Variants in KIAA0319 observed in about 807,000 individuals in gnomAD.
KIAA0319 encodes the protein KIAA0319.
In KIAA0319, 83 loss-of-function variants were observed where a neutral mutation model predicts 108.4. The observed-to-expected ratio is 0.77, with a 90% confidence interval of 0.64 to 0.92. KIAA0319 has a LOEUF of 0.92. Ranked by LOEUF, KIAA0319 falls within the 40% of genes least tolerant of loss-of-function variation. The pLI, the probability that KIAA0319 is intolerant of heterozygous loss-of-function variation, is 0.00. For missense variants in KIAA0319, 1,195 were observed against 1,322.4 expected (o/e 0.90, Z 1.49); for synonymous variants, 484 against 510.4 (o/e 0.95, Z 0.70).
chr6:24,544,806 C>T lies in KIAA0319; in HGVS notation c.*2359G>A, dbSNP rs1158697710. 1.3e-5 allele frequency: 2 copies of T among 152,144 alleles called. No homozygotes were observed. The highest frequency in any genetic ancestry group is 4.8e-5 in the African/African-American group (2 of 41,422). The allele number at this position is 152,144 out of a possible 1,614,324, so 9.4% of individuals were successfully genotyped here. On this transcript the variant is annotated 3_prime_UTR_variant, in exon 21 of 21. Transcript: ENST00000378214. Reference sequence around the variant, plus strand: ...CATGAAGAATGCTGGTTGGTCATTCCATCTCGTGCTTTGTTCTGATGAGAA... The same window carrying T: ...CATGAAGAATGCTGGTTGGTCATTCTATCTCGTGCTTTGTTCTGATGAGAA...
chr6:24,550,937 C>T (rs1439638256), intron 20 of KIAA0319, among the ~76,000 whole-genome samples: 1 of 152,044 alleles, frequency 6.6e-6, no homozygotes. Context: ...GCCTTCTGCC[C>T]CCACCCCCGC....
intron 4 of KIAA0319, among the ~76,000 whole-genome samples, chr6:24,588,150 C>G (rs1000512143): frequency 6.6e-6 from 1 of 152,204 alleles, no homozygotes; most frequent in Non-Finnish European, 1.5e-5. Context: ...GAGCATATTG[C>G]CTGGCACTCT....
chr6:24,645,136 T>A (rs147701987), intron 1 of KIAA0319, among the ~76,000 whole-genome samples: 16 of 152,344 alleles, frequency 1.1e-4, no homozygotes, highest in African/African-American at 1.4e-4. Flanking sequence ...TTTCTGTTAC[T>A]ATCAAAAACA....
chr6:24,620,281 G>A (rs1773742993), intron 1 of KIAA0319, among the ~76,000 whole-genome samples: 1 of 152,090 alleles, frequency 6.6e-6, no homozygotes, highest in South Asian at 2.1e-4. Context: ...TATAAAAAAA[G>A]GAAATGCTGA....
intron 1 of KIAA0319, among the ~76,000 whole-genome samples, chr6:24,632,868 G>A (rs1775748641): frequency 6.6e-6 from 1 of 152,186 alleles, no homozygotes; most frequent in African/African-American, 2.4e-5. Flanking sequence ...ACAATTGTGG[G>A]ATAAAATGAC....
chr6:24,600,727 A>G lies in KIAA0319; in HGVS notation c.55+322T>C, dbSNP rs910685530. ...TAAGCAAACTGAGTATAATGAAAATAAAGATTTCTGATAAAAGGAAGTCTG... is the reference window on the plus strand; with the variant it reads ...TAAGCAAACTGAGTATAATGAAAATGAAGATTTCTGATAAAAGGAAGTCTG... On this transcript the variant is annotated intron_variant, in intron 2 of 20. Transcript: ENST00000378214. 33 of 1,418,256 alleles carry G rather than the reference A, an allele frequency of 2.3e-5. No individual in the cohort carries two copies. In the African/African-American group the frequency reaches 4.2e-4, roughly 18 times the overall value. The allele number at this position is 1,418,256 out of a possible 1,614,324, so 87.9% of individuals were successfully genotyped here. A position where few individuals can be genotyped will look rare whatever the true frequency, so the allele number is the denominator to read the frequency against.
chr6:24,637,012 A>G (rs1346949024), intron 1 of KIAA0319, among the ~76,000 whole-genome samples: 1 of 152,256 alleles, frequency 6.6e-6, no homozygotes, highest in Non-Finnish European at 1.5e-5. Context: ...CAGAGCTTTC[A>G]ATGGAAATTT....
At chr6:24,590,296 CAA>C (rs60248624) in intron 3 of KIAA0319, among the ~76,000 whole-genome samples, 27 of 74,672 alleles carry the variant, frequency 3.6e-4, no homozygotes, top group Non-Finnish European at 3.3e-4. Flanking sequence ...AGAACGAAGG[CAA>C]AAAAAAAAAA....
intron 1 of KIAA0319, among the ~76,000 whole-genome samples, chr6:24,640,045 A>ATTAAC (rs57590598): frequency 0.7 from 106,429 of 151,568 alleles, 37,929 homozygotes; most frequent in East Asian, 0.87. Flanking sequence ...AAAAACATTT[A>ATTAAC]TTTAGATTTT....
chr6:24,625,319 T>A (rs933214412), intron 1 of KIAA0319, among the ~76,000 whole-genome samples: 6 of 152,126 alleles, frequency 3.9e-5, no homozygotes, highest in Non-Finnish European at 8.8e-5. Context: ...AGAAATATCT[T>A]TCTAACCACT....
At chr6:24,595,257 G>A (rs1024297866) in intron 3 of KIAA0319, among the ~76,000 whole-genome samples, 6 of 151,954 alleles carry the variant, frequency 3.9e-5, no homozygotes, top group African/African-American at 7.3e-5. Context: ...CTTAAATGTC[G>A]CTAGAGTATC....
At chr6:24,623,701 C>T (rs1774281041) in intron 1 of KIAA0319, among the ~76,000 whole-genome samples, 1 of 152,116 alleles carries the variant, frequency 6.6e-6, no homozygotes, top group Admixed American at 6.5e-5. Flanking sequence ...GGAATAAGTT[C>T]CAGCGTTTGA....
intron 1 of KIAA0319, among the ~76,000 whole-genome samples, chr6:24,633,520 G>A (rs990583591): frequency 1.3e-5 from 2 of 152,142 alleles, no homozygotes; most frequent in Non-Finnish European, 2.9e-5. Flanking sequence ...AGCACTTTGA[G>A]AGGCCAAGGC....
At chr6:24,622,370 T>C (rs528343348) in intron 1 of KIAA0319, among the ~76,000 whole-genome samples, 1 of 114,676 alleles carries the variant, frequency 8.7e-6, no homozygotes, top group South Asian at 2.8e-4. Flanking sequence ...GATAAACAAA[T>C]AGAAGATTAA....
intron 1 of KIAA0319, among the ~76,000 whole-genome samples, chr6:24,623,752 G>A (rs1021679762): frequency 6.6e-6 from 1 of 152,074 alleles, no homozygotes; most frequent in Non-Finnish European, 1.5e-5. Context: ...AATTTATTGT[G>A]CATTTCAAAA....
rs900316701 is a variant in KIAA0319 at position 24,615,057 on chromosome 6, T to C, written c.-105-13849A>G. ...ATGATTGATAAATCTCCTGAATAAT[T>C]AAAAGTGAACTGTAATATACAGTAT... On this transcript the variant is annotated intron_variant, in intron 1 of 20. Coordinates refer to ENST00000378214, the MANE Select transcript of KIAA0319 (RefSeq NM_014809.4). Among the ~76,000 whole-genome samples, 5 of 152,330 alleles carry C rather than the reference T, an allele frequency of 3.3e-5. No homozygotes were observed. In the South Asian group the frequency reaches 6.2e-4, roughly 19 times the overall value.
chr6:24,622,242 C>G (rs1774055947), intron 1 of KIAA0319, among the ~76,000 whole-genome samples: 1 of 150,344 alleles, frequency 6.7e-6, no homozygotes. Flanking sequence ...CAGAAAGCAG[C>G]CAAGTATCCT....
intron 1 of KIAA0319, among the ~76,000 whole-genome samples, chr6:24,620,970 G>A (rs1340412335): frequency 6.6e-6 from 1 of 152,132 alleles, no homozygotes; most frequent in Admixed American, 6.6e-5. Context: ...ATAAGAAACA[G>A]AAACTATGTG....
intron 1 of KIAA0319, among the ~76,000 whole-genome samples, chr6:24,636,593 T>C (rs1424070469): frequency 6.6e-6 from 1 of 152,128 alleles, no homozygotes; most frequent in Non-Finnish European, 1.5e-5. Flanking sequence ...AGTAGAAGAA[T>C]AGTAAAATCA....
Sources: gnomAD v4.1 joint callset for allele counts (sites outside exome capture counted in the v4.1 genomes callset) on GRCh38, gnomAD v4.1.1 for gene constraint, MANE v1.5 for transcripts, NCBI Gene and HGNC (gene_info 2026-07-23, HGNC 2026-07-21) for gene names.